The following AGBL1 variants were observed in gnomAD, a reference collection of about 807,000 sequenced individuals.
The protein encoded by AGBL1 is AGBL carboxypeptidase 1.
AGBL1 carries 130 observed loss-of-function variants against 118.9 expected under a neutral mutation model. The ratio of observed to expected loss-of-function variants is 1.09; its 90% CI spans 0.95 to 1.26. The LOEUF is 1.26. Ranked by LOEUF, AGBL1 falls within the 50% of genes most tolerant of loss-of-function variation. The probability of loss-of-function intolerance (pLI) is 0.00; values close to 1 mark genes in which losing one functional copy is unlikely to be tolerated. For missense variants in AGBL1, 1,584 were observed against 1,298.1 expected (o/e 1.22, Z -3.38); for synonymous variants, 555 against 478.9 (o/e 1.16, Z -2.08).
At chr15:86,609,230 T>A (rs141536886) in intron 21 of AGBL1, among the ~76,000 whole-genome samples, 1 of 152,098 alleles carries the variant, frequency 6.6e-6, no homozygotes, top group Non-Finnish European at 1.5e-5. Context: ...GAGTACTAGA[T>A]CTCAGGCTCT....
rs3050890 is a variant in AGBL1 at position 86,396,243 on chromosome 15, G to GTATA, written c.2375-1106_2375-1103dup. 1.2e-3 allele frequency among the ~76,000 whole-genome samples: 158 copies of GTATA among 126,622 alleles called. 1 individual carries two copies. The highest frequency in any genetic ancestry group is 3.9e-3 in the Middle Eastern group (1 of 254). 83.1% of individuals were successfully genotyped at this position (126,622 alleles called of 152,430 possible). A position where few individuals can be genotyped will look rare whatever the true frequency, so the allele number is the denominator to read the frequency against. ...TATATATATGTGTGTGTGTGTGTGT[G>GTATA]TATATATATATATATATATACACAC... is the stretch of plus-strand genomic sequence containing the variant. On this transcript the variant is annotated intron_variant, in intron 17 of 22. Transcript: ENST00000614907.
At chr15:86,422,132 A>T (rs182897767) in intron 18 of AGBL1, among the ~76,000 whole-genome samples, 1 of 152,348 alleles carries the variant, frequency 6.6e-6, no homozygotes. Context: ...ACCTCAAATC[A>T]ACAGAATATA....
In AGBL1 at chr15:86,731,643, T is replaced by C. The variant is rs575470202; in HGVS notation, c.3158+57207T>C. On this transcript the variant is annotated intron_variant, in intron 22 of 22. Coordinates refer to ENST00000614907, the MANE Select transcript of AGBL1 (RefSeq NM_001386094.1). The stretch of plus-strand genomic sequence containing the variant: ...AGATGAGACTTGAAAGCCAACAAGA[T>C]ACAAAGATAGAGAGAGGAAGAAGCT... 4.6e-5 allele frequency among the ~76,000 whole-genome samples: 7 copies of C among 152,312 alleles called. No individual in the cohort carries two copies. The South Asian group carries it at 8.3e-4, about 18-fold the overall frequency.
chr15:86,465,936 C>CTCCCCTTT (rs2082399954), intron 18 of AGBL1, among the ~76,000 whole-genome samples: 1 of 152,198 alleles, frequency 6.6e-6, no homozygotes. Context: ...TTGTACACCC[C>CTCCCCTTT]TCCCCTTTTG....
chr15:86,950,050 GAAAT>G (rs1311382237), intron 23 of AGBL1, among the ~76,000 whole-genome samples: 2 of 151,668 alleles, frequency 1.3e-5, no homozygotes, highest in Non-Finnish European at 2.9e-5. Context: ...AGACAGGGGT[GAAAT>G]AAATCAACCT....
At chr15:86,234,550 C>CA (rs397854519) in intron 6 of AGBL1, among the ~76,000 whole-genome samples, 4,809 of 75,888 alleles carry the variant, frequency 0.063, 170 homozygotes, top group Non-Finnish European at 0.086. Flanking sequence ...GACTCTATCT[C>CA]AAAAAAAAAA....
intron 22 of AGBL1, among the ~76,000 whole-genome samples, chr15:86,788,642 G>A (rs906179009): frequency 6.6e-6 from 1 of 152,080 alleles, no homozygotes; most frequent in Admixed American, 6.6e-5. Flanking sequence ...CAAAATCACG[G>A]CCATAAATTA....
chr15:86,901,079 TTTTG>T (rs2080205476), intron 22 of AGBL1, among the ~76,000 whole-genome samples: 1 of 152,184 alleles, frequency 6.6e-6, no homozygotes, highest in Non-Finnish European at 1.5e-5. Flanking sequence ...GTGGTGAGGA[TTTTG>T]TTTGAGTCCA....
At chr15:86,587,584 C>T (rs1864229159) in intron 21 of AGBL1, among the ~76,000 whole-genome samples, 1 of 152,110 alleles carries the variant, frequency 6.6e-6, no homozygotes, top group South Asian at 2.1e-4. Flanking sequence ...GCATAAAGGC[C>T]AAGTGGCACT....
At chr15:86,858,816 A>G (rs765794043) in intron 22 of AGBL1, among the ~76,000 whole-genome samples, 16 of 152,174 alleles carry the variant, frequency 1.1e-4, no homozygotes, top group Non-Finnish European at 1.3e-4. Context: ...GGTGGTCTAG[A>G]TAGGTCTAAA....
rs1333129313 is a variant in AGBL1, at chr15:86,907,353, T to C, written c.*59T>C. 6.6e-6 allele frequency: 1 copy of C among 152,208 alleles called. No individual in the cohort carries two copies. Among genetic ancestry groups the C allele is most frequent in the African/African-American group, 2.4e-5 (1 of 41,462 alleles). 9.4% of individuals were successfully genotyped at this position (152,208 alleles called of 1,614,324 possible). A position where few individuals can be genotyped will look rare whatever the true frequency, so the allele number is the denominator to read the frequency against. ...CCATTGGATTGGACTAGCAGCTGTG[T>C]TGCTGCTTCTTCATCATCAGACACA... is the stretch of plus-strand genomic sequence containing the variant. On this transcript the variant is annotated 3_prime_UTR_variant, in exon 23 of 23. Coordinates refer to ENST00000614907, the MANE Select transcript of AGBL1 (RefSeq NM_001386094.1).
intron 22 of AGBL1, among the ~76,000 whole-genome samples, chr15:86,847,407 A>G (rs1010485464): frequency 6.6e-5 from 10 of 152,150 alleles, no homozygotes; most frequent in African/African-American, 1.4e-4. Flanking sequence ...TCTCTGCCCA[A>G]TGATATTTGG....
In AGBL1 at chr15:86,909,459, G is replaced by C. The variant is rs778609701; in HGVS notation, c.*2165G>C. 1 of 152,186 alleles carries C rather than the reference G, an allele frequency of 6.6e-6. No homozygotes were observed. Among genetic ancestry groups the C allele is most frequent in the Non-Finnish European group, 1.5e-5 (1 of 68,028 alleles). 9.4% of individuals were successfully genotyped at this position (152,186 alleles called of 1,614,324 possible). The stretch of plus-strand genomic sequence containing the variant: ...CAAGGCATAGAAGAAAGGCATCTGT[G>C]TTGTGATTTTGGGAGTTGATAACAT... On this transcript the variant is annotated 3_prime_UTR_variant, in exon 23 of 23. Coordinates refer to ENST00000614907, the MANE Select transcript of AGBL1 (RefSeq NM_001386094.1).
At chr15:86,138,216 C>T (rs1198543274) in intron 1 of AGBL1, 1 of 152,242 alleles carries the variant, frequency 6.6e-6, no homozygotes, top group Non-Finnish European at 1.5e-5. Flanking sequence ...CATGCTCTGC[C>T]ATGTTGCCCT....
intron 1 of AGBL1, among the ~76,000 whole-genome samples, chr15:86,117,387 A>C (rs1198161624): frequency 3.3e-5 from 5 of 152,156 alleles, no homozygotes; most frequent in African/African-American, 9.7e-5. Flanking sequence ...TAAGGAATAA[A>C]GCCTAAAATG....
At chr15:86,286,739 A>ATATATATATATATATG (rs1223146019) in intron 16 of AGBL1, among the ~76,000 whole-genome samples, 1 of 137,060 alleles carries the variant, frequency 7.3e-6, no homozygotes, top group Non-Finnish European at 1.5e-5. Context: ...GTGTGTGTAT[A>ATATATATATATATATG]TATATATATA....
chr15:86,364,230 C>T (rs1496888), intron 17 of AGBL1, among the ~76,000 whole-genome samples: 34,447 of 152,094 alleles, frequency 0.23, 5,379 homozygotes, highest in African/African-American at 0.44. Context: ...CCCAGCTCTC[C>T]ACATACTTTA....
In AGBL1 at chr15:86,348,780, GAAAA is replaced by G. The variant is rs60441568; in HGVS notation, c.2375-48571_2375-48568del. Among the ~76,000 whole-genome samples the G allele has an allele frequency of 9.4e-5, 12 of 127,904 alleles. No individual in the cohort carries two copies. The South Asian group carries it at 1.1e-3, about 11-fold the overall frequency. 83.9% of individuals were successfully genotyped at this position (127,904 alleles called of 152,430 possible). On this transcript the variant is annotated intron_variant, in intron 17 of 22. Transcript: ENST00000614907. ...GTGACAGAGCGCGACTGTCTCAAAA[GAAAA>G]AAAAAAAAAAAAAAGCAGAGAGGAG...
At chr15:86,321,091 A>G (rs1034669505) in intron 17 of AGBL1, among the ~76,000 whole-genome samples, 2 of 152,088 alleles carry the variant, frequency 1.3e-5, no homozygotes, top group African/African-American at 2.4e-5. Flanking sequence ...TTTGGTATCA[A>G]GGTTGTGCTT....
Sources: gnomAD v4.1 joint callset for allele counts (sites outside exome capture counted in the v4.1 genomes callset) on GRCh38, gnomAD v4.1.1 for gene constraint, MANE v1.5 for transcripts, NCBI Gene and HGNC (gene_info 2026-07-23, HGNC 2026-07-21) for gene names.